Variants in SREBF1 observed in about 807,000 individuals in gnomAD.
SREBF1 encodes the protein sterol regulatory element-binding protein 1.
SREBF1 carries 45 observed loss-of-function variants against 100.1 expected under a neutral mutation model. The ratio of observed to expected loss-of-function variants is 0.45; its 90% CI spans 0.35 to 0.58. The LOEUF (loss-of-function observed/expected upper bound fraction) is 0.58, where lower values mean the gene tolerates loss of function less well. Among genes scored for constraint, SREBF1 ranks in the 20% least tolerant of loss-of-function variants. The probability of loss-of-function intolerance (pLI) is 0.00; values close to 1 mark genes in which losing one functional copy is unlikely to be tolerated. For missense variants in SREBF1, 1,324 were observed against 1,539.4 expected, an observed-to-expected ratio of 0.86 and a Z score of 2.34; for synonymous variants, 657 against 681.8, an observed-to-expected ratio of 0.96 and a Z score of 0.57.
intron 1 of SREBF1, among the ~76,000 whole-genome samples, chr17:17,831,276 C>T (rs1300266742): frequency 1.3e-5 from 2 of 151,728 alleles, no homozygotes; most frequent in African/African-American, 2.4e-5. Flanking sequence ...GGTGGCAGAG[C>T]GGGCCCCCAT....
chr17:17,830,862 ACT>A (rs2034816673), intron 1 of SREBF1, among the ~76,000 whole-genome samples: 1 of 152,022 alleles, frequency 6.6e-6, no homozygotes. Flanking sequence ...GCTGTCACAC[ACT>A]GTCAGTGCCC....
In SREBF1 at chr17:17,836,835, C is replaced by T. The variant is rs1330695318; in HGVS notation, c.-18G>A. 11 of 1,490,868 alleles carry T rather than the reference C, an allele frequency of 7.4e-6. No homozygotes were observed. Among genetic ancestry groups the T allele is most frequent in the South Asian group, 6.1e-5 (5 of 81,750 alleles). The allele number at this position is 1,490,868 out of a possible 1,614,324, so 92.4% of individuals were successfully genotyped here. ...TCGTCCATGGCGCAGCCGCCTCCTC[C>T]GGGAGGCCCGCCGGGCCCGCCGCCT... On this transcript the variant is annotated 5_prime_UTR_variant, in exon 1 of 19. Coordinates refer to ENST00000261646, the MANE Select transcript of SREBF1 (RefSeq NM_004176.5).
chr17:17,813,235 C>CT, intron 18 of SREBF1, 133 bp downstream of exon 18: 1 of 939,204 alleles, frequency 1.1e-6, no homozygotes, highest in Non-Finnish European at 1.7e-6. Flanking sequence ...TCCCAAAGTG[C>CT]TAGGTGTGAG....
At position 17,819,243 on chromosome 17, in the gene SREBF1, C is replaced by T. The variant is rs982908489; in HGVS notation, c.847-9G>A. 5.6e-6 allele frequency: 9 copies of T among 1,613,854 alleles called. No individual in the cohort carries two copies. The highest frequency in any genetic ancestry group is 7.6e-6 in the Non-Finnish European group (9 of 1,180,050). On this transcript the variant is annotated splice_polypyrimidine_tract_variant and intron_variant, in intron 4 of 18. Transcript: ENST00000261646. ...CCGCCACTCACCAGGGTCTGCAGGG[C>T]CAGGCACATGTTACCAGGTGGGCAT... is the stretch of plus-strand genomic sequence containing the variant.
chr17:17,836,858 C>G lies in SREBF1; in HGVS notation c.-41G>C, dbSNP rs1248500214. On this transcript the variant is annotated 5_prime_UTR_variant, in exon 1 of 19. Coordinates refer to ENST00000261646, the MANE Select transcript of SREBF1 (RefSeq NM_004176.5). ...TCCGGGAGGCCCGCCGGGCCCGCCG[C>G]CTCGTACGGCCCTTCCTAGGGAGCG... 2.0e-6 allele frequency: 3 copies of G among 1,503,318 alleles called. No homozygotes were observed. In the African/African-American group the frequency reaches 4.3e-5, roughly 22 times the overall value. 93.1% of individuals were successfully genotyped at this position (1,503,318 alleles called of 1,614,324 possible). A position where few individuals can be genotyped will look rare whatever the true frequency, so the allele number is the denominator to read the frequency against.
intron 1 of SREBF1, among the ~76,000 whole-genome samples, chr17:17,835,962 T>C (rs2035196625): frequency 6.6e-6 from 1 of 152,246 alleles, no homozygotes; most frequent in African/African-American, 2.4e-5. Flanking sequence ...ACATCTTTCC[T>C]TGCTGGTCCT....
chr17:17,828,969 C>A (rs534477547), intron 1 of SREBF1, among the ~76,000 whole-genome samples: 1 of 152,006 alleles, frequency 6.6e-6, no homozygotes, highest in African/African-American at 2.4e-5. Context: ...CTAAGGCAGG[C>A]AGATCACGAG....
chr17:17,823,607 C>T (rs748039234), intron 1 of SREBF1: 2 of 1,611,106 alleles, frequency 1.2e-6, no homozygotes, highest in Admixed American at 1.7e-5. Context: ...GCCGACTTCA[C>T]CTGTCAAGGC....
chr17:17,836,611 G>C (rs2035255445), intron 1 of SREBF1, 116 bp downstream of exon 1: 1 of 1,053,530 alleles, frequency 9.5e-7, no homozygotes, highest in Non-Finnish European at 1.4e-6. Flanking sequence ...GGGAAGTCCC[G>C]CGCGAGCACA....
rs748730943 is a variant in SREBF1, at chr17:17,813,407, G to A, written c.3175C>T (p.Arg1059Cys). 46 of 1,602,488 alleles carry A rather than the reference G, an allele frequency of 2.9e-5. No individual in the cohort carries two copies. Among genetic ancestry groups the A allele is most frequent in the Non-Finnish European group, 3.7e-5 (43 of 1,175,894 alleles). Residue 1059 changes from arginine to cysteine, a missense_variant, in exon 18 of 19, where the codon CGC (arginine) becomes TGC (cysteine). By Grantham distance (180) the Arg-to-Cys change is radical (BLOSUM62 -3). Coordinates refer to ENST00000261646, the MANE Select transcript of SREBF1 (RefSeq NM_004176.5). ...GGGCCTGCCCGCCGCCTCAGACTGCGGTCGAGGAGCTGGTGTGTCCGTGTG... is the reference window on the plus strand; with the variant it reads ...GGGCCTGCCCGCCGCCTCAGACTGCAGTCGAGGAGCTGGTGTGTCCGTGTG... ...SPTRTHQLLD[R>C]SLRRRAGPGG...
rs145784091 is a variant in SREBF1, at chr17:17,817,291, C to G, written c.1571G>C (p.Ser524Thr). 1.9e-5 allele frequency: 30 copies of G among 1,607,808 alleles called. No individual in the cohort carries two copies. The Middle Eastern group carries it at 5.1e-4, about 27-fold the overall frequency. Residue 524 changes from serine to threonine, a missense_variant, in exon 8 of 19, where the codon AGC becomes ACC. Ser to Thr is a moderately conservative substitution (Grantham distance 58, BLOSUM62 1). Coordinates refer to ENST00000261646, the MANE Select transcript of SREBF1 (RefSeq NM_004176.5). This position sits in a 1 kb window ranked among gnomAD's most constrained non-coding sequence, Gnocchi z 6.6. ...GGTGCCCAGCACGTTGCGCCCAGGG[C>G]TATGGTAGACGCTGGTGGTATCTGA... ...SPSDTTSVYH[S>T]PGRNVLGTES...
rs915926680 is a variant in SREBF1 at position 17,811,745 on chromosome 17, G to C, written c.*877C>G. On this transcript the variant is annotated 3_prime_UTR_variant, in exon 19 of 19. Coordinates refer to ENST00000261646, the MANE Select transcript of SREBF1 (RefSeq NM_004176.5). ...AGCTGTAGCTCCTGTCACACAACAG[G>C]TCCTGGAAGTCAGTCCATCCTCCCG... The C allele has an allele frequency of 8.8e-6, 4 of 455,128 alleles. No individual in the cohort carries two copies. Among genetic ancestry groups the C allele is most frequent in the Admixed American group, 4.7e-5 (2 of 42,370 alleles). 28.2% of individuals were successfully genotyped at this position (455,128 alleles called of 1,614,324 possible). A position where few individuals can be genotyped will look rare whatever the true frequency, so the allele number is the denominator to read the frequency against.
rs560858317 is a variant in SREBF1, at chr17:17,816,557, T to A, written c.1947A>T (p.Ala649=). The change falls in exon 10 of 19, where the codon GCA becomes GCT. Residue 649 remains alanine (A), a synonymous_variant. Coordinates refer to ENST00000261646, the MANE Select transcript of SREBF1 (RefSeq NM_004176.5). ...GAGCACAGTCCTGCTGCAGGCCCCC[T>A]GCCCGGCCTGCCAGCCAGCGGCCCA... ...LWVGRWLAGR[A]GGLQQDCALR... is the part of the protein sequence containing the mutation. 3.0e-5 allele frequency: 48 copies of A among 1,603,864 alleles called. No individual in the cohort carries two copies. The South Asian group carries it at 4.4e-4, about 15-fold the overall frequency.
chr17:17,818,136 G>A, intron 6 of SREBF1, 124 bp downstream of exon 6: 2 of 866,772 alleles, frequency 2.3e-6, no homozygotes, highest in Admixed American at 2.0e-5. Context: ...CCAAGGGTGA[G>A]GTGGGCAGGG....
Position 17,817,761 on chromosome 17 carries a change from C to T in SREBF1, c.1339G>A (p.Gly447Ser), listed in dbSNP as rs370648203. Reference protein sequence around the residue: ...QSSPLSLGSRGSGSGGSGSDS... With the variant: ...QSSPLSLGSRSSGSGGSGSDS... ...CTGCCACTGCCACCGCTGCCACTGC[C>T]CCTGCTGCCAAGGGACAAGGGGCTG... is the stretch of plus-strand genomic sequence containing the variant. Residue 447 changes from glycine (G) to serine (S), a missense_variant, in exon 7 of 19, where the codon GGC (glycine) becomes AGC (serine). By Grantham distance (56) the Gly-to-Ser change is moderately conservative. Coordinates refer to ENST00000261646, the MANE Select transcript of SREBF1 (RefSeq NM_004176.5). This position sits in a 1 kb window ranked among gnomAD's most constrained non-coding sequence, Gnocchi z 6.6. 2 of 1,613,748 alleles carry T rather than the reference C, an allele frequency of 1.2e-6. No homozygotes were observed. The highest frequency in any genetic ancestry group is 2.7e-5 in the African/African-American group (2 of 74,992).
At chr17:17,832,166 T>C (rs997250769) in intron 1 of SREBF1, among the ~76,000 whole-genome samples, 1 of 152,240 alleles carries the variant, frequency 6.6e-6, no homozygotes, top group Non-Finnish European at 1.5e-5. Context: ...TTTGCCATCA[T>C]CTGGCTGTGT....
intron 2 of SREBF1, 33 bp downstream of exon 2, chr17:17,820,057 C>G: frequency 6.9e-6 from 11 of 1,588,504 alleles, no homozygotes; most frequent in Non-Finnish European, 9.4e-6. Context: ...AGCCCCACCC[C>G]GGGTGTCCCC....
chr17:17,822,203 C>T (rs1303630625), intron 1 of SREBF1, among the ~76,000 whole-genome samples: 1 of 152,240 alleles, frequency 6.6e-6, no homozygotes, highest in Non-Finnish European at 1.5e-5. Context: ...TACAAAATCC[C>T]AAATCTATTG....
rs1158720181 is a variant in SREBF1, at chr17:17,812,356, C to T, written c.*266G>A. ...AAAAGCCACTAAGGTGCCTGCAGAG[C>T]AAGGAGGGGGGCCCCCCAAAATGGC... On this transcript the variant is annotated 3_prime_UTR_variant, in exon 19 of 19. Coordinates refer to ENST00000261646, the MANE Select transcript of SREBF1 (RefSeq NM_004176.5). 1.7e-6 allele frequency: 1 copy of T among 575,916 alleles called. No homozygotes were observed. Among genetic ancestry groups the T allele is most frequent in the Non-Finnish European group, 3.1e-6 (1 of 326,490 alleles). The allele number at this position is 575,916 out of a possible 1,614,324, so 35.7% of individuals were successfully genotyped here. A position where few individuals can be genotyped will look rare whatever the true frequency, so the allele number is the denominator to read the frequency against.
Sources: gnomAD v4.1 joint callset for allele counts (sites outside exome capture counted in the v4.1 genomes callset) on GRCh38, gnomAD v4.1.1 for gene constraint, Gnocchi (gnomAD v3.1) non-coding constraint, MANE v1.5 for transcripts, NCBI Gene and HGNC (gene_info 2026-07-23, HGNC 2026-07-21) for gene names.